The following WDR81 variants were observed in gnomAD, a reference collection of about 807,000 sequenced individuals.
WDR81 encodes the protein WD repeat domain 81, also known as WD repeat-containing protein 81.
Under a neutral mutation model 140.8 loss-of-function variants are expected in WDR81, and 92 were observed. That is an observed-to-expected ratio of 0.65 (90% CI 0.55 to 0.78). The LOEUF (loss-of-function observed/expected upper bound fraction) is 0.78, where lower values mean the gene tolerates loss of function less well. Ranked by LOEUF, WDR81 falls within the 30% of genes least tolerant of loss-of-function variation. WDR81 has a pLI of 0.00. For missense variants in WDR81, 2,502 were observed against 2,636.4 expected (o/e 0.95, Z 1.12); for synonymous variants, 1,183 against 1,156.4 (o/e 1.02, Z -0.47).
chr17:1,735,987 G>A lies in WDR81; in HGVS notation c.5326-52G>A. 1 of 1,550,854 alleles carries A rather than the reference G, an allele frequency of 6.4e-7. No individual in the cohort carries two copies. The highest frequency in any genetic ancestry group is 2.3e-5 in the East Asian group (1 of 44,404). The stretch of plus-strand genomic sequence containing the variant: ...GCTTGGGTGGTGGGCAGGGCCTTGG[G>A]GAGTGTGAGATGGGAAGGTGGTGCC... On this transcript the variant is annotated intron_variant, in intron 8 of 9. Coordinates refer to ENST00000409644, the MANE Select transcript of WDR81 (RefSeq NM_001163809.2). This position sits in a 1 kb window ranked among gnomAD's most constrained non-coding sequence, Gnocchi z 4.2.
At position 1,726,726 on chromosome 17, in the gene WDR81, C is replaced by A. The variant is rs1395904485; in HGVS notation, c.1767C>A (p.Pro589=). Residue 589 remains proline, a synonymous_variant, in exon 1 of 10, where the codon CCC becomes CCA. Coordinates refer to ENST00000409644, the MANE Select transcript of WDR81 (RefSeq NM_001163809.2). ...TGCAGCTCTTCGATCAGCCACACCC[C>A]CAGCGCCTGGCTGGGGCTCCTGCCC... ...GVVQLFDQPH[P]QRLAGAPALA... 1 of 1,548,402 alleles carries A rather than the reference C, an allele frequency of 6.5e-7. No individual in the cohort carries two copies. Among genetic ancestry groups the A allele is most frequent in the African/African-American group, 1.4e-5 (1 of 73,172 alleles).
rs562049201 is a variant in WDR81, at chr17:1,737,285, AG to A, written c.5506-77del. On this transcript the variant is annotated intron_variant, in intron 9 of 9. Coordinates refer to ENST00000409644, the MANE Select transcript of WDR81 (RefSeq NM_001163809.2). ...CTGTCTCCCTGGAGAGAAACTGCGG[AG>A]GGAACTGGGAAGGCCTTGGGGCCCA... 2.7e-5 allele frequency: 38 copies of A among 1,398,148 alleles called. No individual in the cohort carries two copies. The South Asian group carries it at 5.2e-4, about 19-fold the overall frequency. 86.6% of individuals were successfully genotyped at this position (1,398,148 alleles called of 1,614,324 possible). A position where few individuals can be genotyped will look rare whatever the true frequency, so the allele number is the denominator to read the frequency against.
chr17:1,720,767 G>GAA (rs34403956), upstream of WDR81, among the ~76,000 whole-genome samples: 76 of 125,900 alleles, frequency 6.0e-4, 1 homozygote, highest in East Asian at 1.9e-3. Flanking sequence ...TCCGTATCAA[G>GAA]AAAAAAAAAA....
At position 1,728,692 on chromosome 17, in the gene WDR81, C is replaced by T. The variant is rs190925550; in HGVS notation, c.3667+66C>T. The T allele has an allele frequency of 2.9e-4, 410 of 1,417,806 alleles. 2 individuals are homozygous for T. The African/African-American group carries it at 4.1e-3, about 14-fold the overall frequency. The allele number at this position is 1,417,806 out of a possible 1,614,324, so 87.8% of individuals were successfully genotyped here. A position where few individuals can be genotyped will look rare whatever the true frequency, so the allele number is the denominator to read the frequency against. On this transcript the variant is annotated intron_variant, in intron 1 of 9. Coordinates refer to ENST00000409644, the MANE Select transcript of WDR81 (RefSeq NM_001163809.2). ...CCTGCTGGCCGAGCACAGTGGTTCA[C>T]GCCTGTATTCCCAGCACTTTGGGAG...
intron 9 of WDR81, 101 bp downstream of exon 9, chr17:1,736,319 G>A: frequency 7.2e-7 from 1 of 1,392,756 alleles, no homozygotes; most frequent in South Asian, 1.4e-5. Context: ...GCTCGAACTG[G>A]TCTGTCTTAT....
Position 1,726,660 on chromosome 17 carries a change from C to T in WDR81, c.1701C>T (p.His567=). 1 of 1,550,210 alleles carries T rather than the reference C, an allele frequency of 6.5e-7. No homozygotes were observed. Among genetic ancestry groups the T allele is most frequent in the South Asian group, 1.2e-5 (1 of 84,064 alleles). ...TCAAGGAAAAGAATGTGTGTCTGCACCTGGTGGACGCCCACACTCACCTGG... is the reference window on the plus strand; with the variant it reads ...TCAAGGAAAAGAATGTGTGTCTGCATCTGGTGGACGCCCACACTCACCTGG... ...EAVKEKNVCL[H]LVDAHTHLAS... Residue 567 remains histidine (H), a synonymous_variant, in exon 1 of 10, where the codon CAC becomes CAT. Transcript: ENST00000409644.
At chr17:1,728,781 G>A (rs1055660272) in intron 1 of WDR81, among the ~76,000 whole-genome samples, 155 bp downstream of exon 1, 11 of 151,732 alleles carry the variant, frequency 7.2e-5, no homozygotes, top group East Asian at 1.9e-4. Context: ...GTGAAACCCC[G>A]TCTCTACTAA....
At chr17:1,723,109 T>C (rs986110195), upstream of WDR81, among the ~76,000 whole-genome samples, 2 of 152,254 alleles carry the variant, frequency 1.3e-5, no homozygotes, top group Admixed American at 6.5e-5. Flanking sequence ...GTGGTTTCAC[T>C]GTAGACAATG....
chr17:1,737,370 G>C lies in WDR81; in HGVS notation c.5511G>C (p.Val1837=). Residue 1837 remains valine (V), a synonymous_variant, in exon 10 of 10, where the codon GTG becomes GTC. Transcript: ENST00000409644. ...GCTCTCCTCTCCCGGGACAGGCGGT[G>C]GAGGGCAGCGTCCTGGTCAGCTCCT... ...HEGDILQIKA[V]EGSVLVSSSS... 1 of 1,604,830 alleles carries C rather than the reference G, an allele frequency of 6.2e-7. No individual in the cohort carries two copies.
intron 1 of WDR81, among the ~76,000 whole-genome samples, chr17:1,730,003 A>AAAGAAG (rs34994724): frequency 0.02 from 2,865 of 145,044 alleles, 78 homozygotes; most frequent in African/African-American, 0.063. Flanking sequence ...AAAAAAAAAA[A>AAAGAAG]AAGAAGAAGA....
chr17:1,727,383 G>A lies in WDR81; in HGVS notation c.2424G>A (p.Thr808=), dbSNP rs576125095. 48 of 1,550,174 alleles carry A rather than the reference G, an allele frequency of 3.1e-5. No homozygotes were observed. The Admixed American group carries it at 3.9e-4, about 13-fold the overall frequency. ...TCCAGGCTGTCCGAGGGCTCTGCAC[G>A]CGCCACCCCAAGGAGGTCCCTGTGT... ...VRFQAVRGLC[T]RHPKEVPVSL... is the part of the protein sequence containing the mutation. The change falls in exon 1 of 10, where the codon ACG becomes ACA. Residue 808 remains threonine (T), a synonymous_variant. Coordinates refer to ENST00000409644, the MANE Select transcript of WDR81 (RefSeq NM_001163809.2).
chr17:1,725,600 C>T lies in WDR81; in HGVS notation c.641C>T (p.Ala214Val). The change falls in exon 1 of 10, where the codon GCT becomes GTT. Residue 214 changes from alanine to valine, a missense_variant. Physicochemically the swap from Ala to Val is moderately conservative, Grantham distance 64. This residue lies in a region of WDR81 where 547 missense variants were observed against 513.8 expected (regional missense o/e 1.06). Transcript: ENST00000409644. ...EGPCPPRGSP[A>V]CPSLLRAEAL... ...CCCTGCCCCCCTCGGGGCAGCCCTG[C>T]TTGCCCTAGTCTTTTACGGGCTGAG... The T allele has an allele frequency of 1.3e-6, 2 of 1,545,378 alleles. No homozygotes were observed. Among genetic ancestry groups the T allele is most frequent in the Non-Finnish European group, 1.7e-6 (2 of 1,146,960 alleles).
At chr17:1,731,539 A>C (rs1163875438) in intron 4 of WDR81, among the ~76,000 whole-genome samples, 2 of 152,132 alleles carry the variant, frequency 1.3e-5, no homozygotes, top group Non-Finnish European at 2.9e-5. Flanking sequence ...TGAGAGGCTG[A>C]GGCGGGAAGA....
rs1915354632 is a variant in WDR81, at chr17:1,727,355, G to A, written c.2396G>A (p.Arg799His). ...CAGCCCGATGCACCTTTGTGGGTACGCTTCCAGGCTGTCCGAGGGCTCTGC... is the reference window on the plus strand; with the variant it reads ...CAGCCCGATGCACCTTTGTGGGTACACTTCCAGGCTGTCCGAGGGCTCTGC... ...TLQPDAPLWVRFQAVRGLCTR... is the reference protein window; with the variant it reads ...TLQPDAPLWVHFQAVRGLCTR... The change falls in exon 1 of 10, where the codon CGC becomes CAC. Residue 799 changes from arginine (R) to histidine (H), a missense_variant. By Grantham distance (29) the Arg-to-His change is conservative. This residue lies in a region of WDR81 where 1,737 missense variants were observed against 1,843.0 expected (regional missense o/e 0.94). Transcript: ENST00000409644. 1.9e-6 allele frequency: 3 copies of A among 1,550,058 alleles called. No homozygotes were observed. Among genetic ancestry groups the A allele is most frequent in the Non-Finnish European group, 1.7e-6 (2 of 1,146,974 alleles).
At position 1,726,468 on chromosome 17, in the gene WDR81, C is replaced by T; in HGVS notation, c.1509C>T (p.Arg503=). 6.4e-7 allele frequency: 1 copy of T among 1,550,522 alleles called. No homozygotes were observed. The highest frequency in any genetic ancestry group is 8.7e-7 in the Non-Finnish European group (1 of 1,147,014). The part of the protein sequence containing the change: ...PEFYTDPSIF[R]SIHPDMPDLD... ...TCTACACCGATCCCTCTATCTTCCG[C>T]TCCATCCACCCCGACATGCCTGACC... The change falls in exon 1 of 10, where the codon CGC becomes CGT. Residue 503 remains arginine, a synonymous_variant. Transcript: ENST00000409644.
rs774672335 is a variant in WDR81, at chr17:1,733,795, G to A, written c.4758G>A (p.Ser1586=). 4.5e-5 allele frequency: 72 copies of A among 1,612,006 alleles called. No individual in the cohort carries two copies. The highest frequency in any genetic ancestry group is 3.3e-4 in the East Asian group (15 of 44,890). Reference sequence around the variant, plus strand: ...ACCCCGGACCACTGGGCCCCATCTCGGGGGTGGGTGGCGGGGGCCTGGGCA... The same window carrying A: ...ACCCCGGACCACTGGGCCCCATCTCAGGGGTGGGTGGCGGGGGCCTGGGCA... The part of the protein sequence containing the change: ...PENPGPLGPI[S]GVGGGGLGSG... Residue 1586 remains serine (S), a synonymous_variant, in exon 7 of 10, where the codon TCG becomes TCA. Transcript: ENST00000409644.
At position 1,731,067 on chromosome 17, in the gene WDR81, G is replaced by T. The variant is rs748505327; in HGVS notation, c.3967-1G>T. 6.2e-7 allele frequency: 1 copy of T among 1,611,732 alleles called. No individual in the cohort carries two copies. Among genetic ancestry groups the T allele is most frequent in the Non-Finnish European group, 8.5e-7 (1 of 1,179,450 alleles). On this transcript the variant is annotated splice_acceptor_variant, in intron 3 of 9. Coordinates refer to ENST00000409644, the MANE Select transcript of WDR81 (RefSeq NM_001163809.2). LOFTEE classifies it high-confidence loss of function. ...GGCCCTCATCTGCTCGGTGGCTCTA[G>T]GTGGCCCCAGGGAGTGCCTCAGGCC...
At chr17:1,730,359 G>C in intron 1 of WDR81, 21 bp from the exon 2 acceptor site, 1 of 1,601,310 alleles carries the variant, frequency 6.2e-7, no homozygotes, top group Non-Finnish European at 8.5e-7. Flanking sequence ...GAGGAGCTCA[G>C]GGCCTGCTCC....
At chr17:1,731,926 CA>C (rs71375531) in intron 4 of WDR81, among the ~76,000 whole-genome samples, 162 of 129,706 alleles carry the variant, frequency 1.2e-3, no homozygotes, top group Admixed American at 1.3e-3. Context: ...GACTCTGTCT[CA>C]AAAAAAAAAA....
Sources: allele counts gnomAD v4.1 joint callset (sites outside exome capture counted in the v4.1 genomes callset), GRCh38; gene constraint gnomAD v4.1.1; regional missense constraint gnomAD v4.1.1; non-coding constraint Gnocchi (gnomAD v3.1); transcripts MANE v1.5; gene names NCBI Gene and HGNC (gene_info 2026-07-23, HGNC 2026-07-21).